ZDHHC2: variants seen among roughly 807,000 people sequenced by gnomAD.
ZDHHC2 encodes zDHHC palmitoyltransferase 2, also known as palmitoyltransferase ZDHHC2.
A neutral mutation model predicts 55.6 loss-of-function variants in ZDHHC2; 51 were observed. The ratio of observed to expected loss-of-function variants is 0.92; its 90% CI spans 0.73 to 1.16. The LOEUF is 1.16. ZDHHC2 is among the 50% of genes most tolerant of loss of function. ZDHHC2 has a pLI of 0.00. For synonymous variants in ZDHHC2, 199 were observed against 152.9 expected, an observed-to-expected ratio of 1.30 and a Z score of -2.22; for missense variants, 491 against 442.4, an observed-to-expected ratio of 1.11 and a Z score of -0.99.
intron 6 of ZDHHC2, among the ~76,000 whole-genome samples, chr8:17,204,295 A>T (rs577811060): frequency 6.6e-6 from 1 of 152,324 alleles, no homozygotes; most frequent in South Asian, 2.1e-4. Context: ...AGCTAAGTCA[A>T]TGGAGAGTGA....
At chr8:17,199,539 C>T (rs1305100266) in intron 6 of ZDHHC2, among the ~76,000 whole-genome samples, 2 of 67,948 alleles carry the variant, frequency 2.9e-5, no homozygotes, top group African/African-American at 1.0e-4. Flanking sequence ...CTTCTGTCTT[C>T]GTCTTCTGTC....
chr8:17,208,525 G>T (rs768709570), intron 8 of ZDHHC2, among the ~76,000 whole-genome samples: 5 of 151,968 alleles, frequency 3.3e-5, no homozygotes, highest in Non-Finnish European at 5.9e-5. Context: ...CTAGCTCAAG[G>T]ATAGGAGTTT....
rs1012061013 is a variant in ZDHHC2, at chr8:17,156,629, A to G, written c.-95A>G. ...GCAGCGCACCCCGCCGCCGCCCAGG[A>G]GCCCGTCCAGCCAGGGGTGCCGGGC... On this transcript the variant is annotated 5_prime_UTR_variant, in exon 1 of 13. Coordinates refer to ENST00000262096, the MANE Select transcript of ZDHHC2 (RefSeq NM_016353.5). The G allele has an allele frequency of 3.0e-5, 30 of 991,590 alleles. No individual in the cohort carries two copies. The African/African-American group carries it at 5.2e-4, about 17-fold the overall frequency. The allele number at this position is 991,590 out of a possible 1,614,324, so 61.4% of individuals were successfully genotyped here. A position where few individuals can be genotyped will look rare whatever the true frequency, so the allele number is the denominator to read the frequency against.
At chr8:17,194,738 A>G (rs1272145707) in intron 3 of ZDHHC2, among the ~76,000 whole-genome samples, 1 of 152,160 alleles carries the variant, frequency 6.6e-6, no homozygotes, top group Non-Finnish European at 1.5e-5. Context: ...TGCCGGTACT[A>G]TTCCATTATT....
chr8:17,193,687 G>A (rs1369054425), intron 3 of ZDHHC2, among the ~76,000 whole-genome samples: 1 of 152,234 alleles, frequency 6.6e-6, no homozygotes, highest in Non-Finnish European at 1.5e-5. Context: ...AAAGACTGCA[G>A]TCAAAAACCT....
At chr8:17,162,758 A>G (rs1804410814) in intron 1 of ZDHHC2, 1 of 152,204 alleles carries the variant, frequency 6.6e-6, no homozygotes, top group South Asian at 2.1e-4. Flanking sequence ...TCCGGATGCC[A>G]TTTCCACAGC....
chr8:17,168,631 A>G (rs949472862), intron 1 of ZDHHC2, among the ~76,000 whole-genome samples: 2 of 152,100 alleles, frequency 1.3e-5, no homozygotes, highest in African/African-American at 4.8e-5. Context: ...TTCGCTGTGC[A>G]GTTTAACACT....
intron 3 of ZDHHC2, among the ~76,000 whole-genome samples, chr8:17,192,228 C>A (rs566230151): frequency 6.6e-6 from 1 of 152,172 alleles, no homozygotes; most frequent in Non-Finnish European, 1.5e-5. Flanking sequence ...TCGAATGGTC[C>A]TCCCGCTTTG....
intron 3 of ZDHHC2, among the ~76,000 whole-genome samples, chr8:17,190,552 TAA>T (rs1393681077): frequency 8.5e-5 from 13 of 152,206 alleles, no homozygotes; most frequent in Non-Finnish European, 1.5e-5. Context: ...GCAAGATTGT[TAA>T]AGTGATAATA....
intron 1 of ZDHHC2, among the ~76,000 whole-genome samples, chr8:17,164,190 CT>C (rs1250585970): frequency 3.3e-5 from 5 of 152,114 alleles, no homozygotes; most frequent in Non-Finnish European, 7.4e-5. Flanking sequence ...CCTAATTTGA[CT>C]TTTTATCTGG....
In ZDHHC2 at chr8:17,172,028, G is replaced by A. The variant is rs140742887; in HGVS notation, c.131-12761G>A. 1.8e-3 allele frequency among the ~76,000 whole-genome samples: 268 copies of A among 151,922 alleles called. 2 individuals are homozygous for A. The highest frequency in any genetic ancestry group is 6.2e-3 in the African/African-American group (258 of 41,448). ...CAATTAACTGATCAGCTACTGTGGC[G>A]AACTATATCCGCAGTTCCCAGGAAT... is the stretch of plus-strand genomic sequence containing the variant. On this transcript the variant is annotated intron_variant, in intron 1 of 12. Transcript: ENST00000262096.
intron 4 of ZDHHC2, among the ~76,000 whole-genome samples, chr8:17,196,258 C>T (rs1171728937): frequency 1.3e-5 from 2 of 152,054 alleles, no homozygotes; most frequent in African/African-American, 4.8e-5. Flanking sequence ...GACTTCAGAC[C>T]TGTGCTGTCC....
chr8:17,215,439 A>G, intron 11 of ZDHHC2, 90 bp downstream of exon 11: 9 of 986,062 alleles, frequency 9.1e-6, no homozygotes, highest in South Asian at 1.5e-5. Flanking sequence ...CTACCTACAG[A>G]TGTTTTCTTA....
At chr8:17,160,820 A>G (rs1446078919) in intron 1 of ZDHHC2, among the ~76,000 whole-genome samples, 3 of 152,182 alleles carry the variant, frequency 2.0e-5, no homozygotes, top group Admixed American at 2.0e-4. Flanking sequence ...TATCTTAGAG[A>G]GCGGCCATAG....
At chr8:17,178,148 A>G (rs1250934537) in intron 1 of ZDHHC2, among the ~76,000 whole-genome samples, 1 of 152,176 alleles carries the variant, frequency 6.6e-6, no homozygotes, top group East Asian at 1.9e-4. Context: ...TATGACTAAA[A>G]GTTCAACTAG....
In ZDHHC2 at chr8:17,207,992, T is replaced by C. The variant is rs772644538; in HGVS notation, c.630T>C (p.His210=). 1.3e-6 allele frequency: 2 copies of C among 1,589,118 alleles called. No individual in the cohort carries two copies. The highest frequency in any genetic ancestry group is 1.7e-6 in the Non-Finnish European group (2 of 1,167,030). ...TACCTGATACTCAAGCCAAGTTCCA[T>C]ATTATGTTTTTATTCTTTGCTGCAG... The part of the protein sequence containing the change: ...NGLPDTQAKF[H]IMFLFFAAAM... The change falls in exon 8 of 13, where the codon CAT becomes CAC. Residue 210 remains histidine, a synonymous_variant. Coordinates refer to ENST00000262096, the MANE Select transcript of ZDHHC2 (RefSeq NM_016353.5).
intron 6 of ZDHHC2, among the ~76,000 whole-genome samples, chr8:17,200,056 A>G (rs74729921): frequency 6.6e-6 from 1 of 151,860 alleles, no homozygotes; most frequent in African/African-American, 2.4e-5. Context: ...TGCCTGGCCA[A>G]CGTCTTCTTA....
At chr8:17,213,372 G>A (rs1585740533) in intron 10 of ZDHHC2, among the ~76,000 whole-genome samples, 1 of 151,740 alleles carries the variant, frequency 6.6e-6, no homozygotes, top group African/African-American at 2.4e-5. Flanking sequence ...TATTGCCTCA[G>A]CCTCCCCAGT....
intron 10 of ZDHHC2, among the ~76,000 whole-genome samples, chr8:17,212,695 T>C (rs1807445249): frequency 6.6e-6 from 1 of 152,184 alleles, no homozygotes; most frequent in African/African-American, 2.4e-5. Context: ...ATTGTGTCAC[T>C]CTTCTGCTGA....
Sources: gnomAD v4.1 joint callset for allele counts (sites outside exome capture counted in the v4.1 genomes callset) on GRCh38, gnomAD v4.1.1 for gene constraint, MANE v1.5 for transcripts, NCBI Gene and HGNC (gene_info 2026-07-23, HGNC 2026-07-21) for gene names.